Variants in MBD1 observed in about 807,000 individuals in gnomAD.
MBD1 encodes the protein methyl-CpG-binding domain protein 1.
MBD1 carries 25 observed loss-of-function variants against 82.6 expected under a neutral mutation model. That is an observed-to-expected ratio of 0.30 (90% CI 0.22 to 0.42). MBD1 has a LOEUF of 0.42. MBD1 is among the 10% of genes least tolerant of loss of function. The probability of loss-of-function intolerance (pLI) is 1.00; values close to 1 mark genes in which losing one functional copy is unlikely to be tolerated. For missense variants in MBD1, 627 were observed against 819.6 expected, an observed-to-expected ratio of 0.76 and a Z score of 2.87; for synonymous variants, 301 against 303.7, an observed-to-expected ratio of 0.99 and a Z score of 0.09.
At chr18:50,280,038 T>G in intron 1 of MBD1, 21 bp from the exon 2 acceptor site, 1 of 1,582,136 alleles carries the variant, frequency 6.3e-7, no homozygotes, top group African/African-American at 1.3e-5. Flanking sequence ...GTGGAAGGGA[T>G]GAGGGAAACT....
downstream of MBD1, chr18:50,267,527 G>T: frequency 2.7e-6 from 3 of 1,107,932 alleles, no homozygotes; most frequent in South Asian, 2.6e-5. Flanking sequence ...TCAGGATGTG[G>T]ATCAGAAGTC....
At chr18:50,281,051 A>C in intron 1 of MBD1, 1 of 1,034,520 alleles carries the variant, frequency 9.7e-7, no homozygotes, top group Non-Finnish European at 1.4e-6. Context: ...TCTCCCTCTC[A>C]GAGTTCTGAA....
At chr18:50,280,129 C>A (rs2039645360) in intron 1 of MBD1, 112 bp from the exon 2 acceptor site, 1 of 1,055,606 alleles carries the variant, frequency 9.5e-7, no homozygotes, top group Admixed American at 2.4e-5. Context: ...AGCCCTAGGA[C>A]CTGCCACAGG....
At position 50,275,690 on chromosome 18, in the gene MBD1, T is replaced by C. The variant is rs1347267540; in HGVS notation, c.702A>G (p.Gln234=). 6.2e-7 allele frequency: 1 copy of C among 1,614,176 alleles called. No individual in the cohort carries two copies. The highest frequency in any genetic ancestry group is 8.5e-7 in the Non-Finnish European group (1 of 1,180,018). The change falls in exon 8 of 17, where the codon CAA becomes CAG. Residue 234 remains glutamine (Q), a synonymous_variant. Transcript: ENST00000269468. Reference sequence around the variant, plus strand: ...AGATGGGGCAATGGCCACAATCCTCTTGGGTCTGACAGCCCCGGCATACTC... The same window carrying C: ...AGATGGGGCAATGGCCACAATCCTCCTGGGTCTGACAGCCCCGGCATACTC... ...GCGVCRGCQT[Q]EDCGHCPICL... is the part of the protein sequence containing the mutation.
chr18:50,268,500 G>C (rs1476446043), downstream of MBD1, among the ~76,000 whole-genome samples: 1 of 152,252 alleles, frequency 6.6e-6, no homozygotes, highest in Admixed American at 6.5e-5. Context: ...TGGGGTTTGC[G>C]CCGGACGGAG....
chr18:50,276,857 CTG>C lies in MBD1; in HGVS notation c.365_366del (p.Thr122SerfsTer12). 6.2e-7 allele frequency: 1 copy of C among 1,614,262 alleles called. No homozygotes were observed. Among genetic ancestry groups the C allele is most frequent in the Non-Finnish European group, 8.5e-7 (1 of 1,180,046 alleles). ...PRDETKADTD[T>X]APASFPAPGC... ...CCAGGAGCAGGGAATGAAGCTGGGG[CTG>C]TGTCAGTGTCAGCCTTGGTCTCATC... On this transcript the variant is annotated frameshift_variant, in exon 4 of 17. Coordinates refer to ENST00000269468, the MANE Select transcript of MBD1 (RefSeq NM_015846.4). LOFTEE classifies it high-confidence loss of function.
At chr18:50,281,584 A>G (rs894904284), upstream of MBD1, 15 of 515,962 alleles carry the variant, frequency 2.9e-5, no homozygotes, top group Admixed American at 5.4e-4. Context: ...CCTGCGCACT[A>G]TTGCCTCGAT....
At chr18:50,270,529 G>A (rs1488256645) in intron 16 of MBD1, 1 of 346,158 alleles carries the variant, frequency 2.9e-6, no homozygotes, top group African/African-American at 2.1e-5. Flanking sequence ...GGAAAGATGA[G>A]CCAGGCTGGC....
intron 15 of MBD1, chr18:50,272,436 G>C (rs925412838): frequency 3.5e-6 from 2 of 570,678 alleles, no homozygotes; most frequent in African/African-American, 3.8e-5. Flanking sequence ...TCATGATAGA[G>C]TACCAAGTCT....
rs367744173 is a variant in MBD1 at position 50,276,405 on chromosome 18, G to A, written c.489C>T (p.Ala163=). The change falls in exon 6 of 17, where the codon GCC becomes GCT. Residue 163 remains alanine (A), a synonymous_variant. Transcript: ENST00000269468. ...TAAACATTCTCTGTTCCCGGTTGAA[G>A]GCAATTCTCTGTGCTGTGGGGAGGA... is the stretch of plus-strand genomic sequence containing the variant. ...LCKDCRAQRI[A]FNREQRMFKR... The A allele has an allele frequency of 5.6e-6, 9 of 1,614,038 alleles. No individual in the cohort carries two copies. The highest frequency in any genetic ancestry group is 6.8e-6 in the Non-Finnish European group (8 of 1,180,030).
rs2035368682 is a variant in MBD1, at chr18:50,271,215, TC to T, written c.*32+253del. On this transcript the variant is annotated intron_variant, in intron 16 of 16. Coordinates refer to ENST00000269468, the MANE Select transcript of MBD1 (RefSeq NM_015846.4). ...TTATATTACCTTTCTCCAACCCAGC[TC>T]CCCCACCCTTAAAATCCAACTTCTT... 8.2e-6 allele frequency: 11 copies of T among 1,348,914 alleles called. No homozygotes were observed. The African/African-American group carries it at 1.5e-4, about 18-fold the overall frequency. 83.6% of individuals were successfully genotyped at this position (1,348,914 alleles called of 1,614,324 possible). A position where few individuals can be genotyped will look rare whatever the true frequency, so the allele number is the denominator to read the frequency against.
rs1273164902 is a variant in MBD1 at position 50,270,187 on chromosome 18, T to C, written c.*33-369A>G. The C allele has an allele frequency of 2.2e-5, 35 of 1,590,852 alleles. 1 individual carries two copies. The South Asian group carries it at 2.5e-4, about 12-fold the overall frequency. On this transcript the variant is annotated intron_variant, in intron 16 of 16. Transcript: ENST00000269468. ...GTGGGGAAGGTGGCAGAGGCTGGAC[T>C]GTATGAGACAGAACTGGGAAATGGC... is the stretch of plus-strand genomic sequence containing the variant.
At chr18:50,271,376 G>A (rs1415472713) in intron 16 of MBD1, 93 bp downstream of exon 16, 2 of 1,607,028 alleles carry the variant, frequency 1.2e-6, no homozygotes, top group Middle Eastern at 1.7e-4. Flanking sequence ...TTCCTCCTAG[G>A]GTTGATTCAC....
chr18:50,269,998 TTAAC>T, intron 16 of MBD1, 180 bp from the exon 17 acceptor site: 1 of 1,596,472 alleles, frequency 6.3e-7, no homozygotes, highest in East Asian at 2.2e-5. Context: ...CAGCAGAAGC[TTAAC>T]TCATGAGTCT....
chr18:50,269,204 CTG>C lies in MBD1; in HGVS notation c.*645_*646del. On this transcript the variant is annotated 3_prime_UTR_variant, in exon 17 of 17. Coordinates refer to ENST00000269468, the MANE Select transcript of MBD1 (RefSeq NM_015846.4). ...TTTCTGGGTGGGCTTCATAGAATCT[CTG>C]TACTTGCTGGAATCACCATGAAATC... The C allele has an allele frequency of 1.9e-6, 2 of 1,062,082 alleles. No homozygotes were observed. Among genetic ancestry groups the C allele is most frequent in the Non-Finnish European group, 2.3e-6 (2 of 875,646 alleles). The allele number at this position is 1,062,082 out of a possible 1,614,324, so 65.8% of individuals were successfully genotyped here.
intron 2 of MBD1, among the ~76,000 whole-genome samples, chr18:50,278,777 G>A (rs1231576370): frequency 6.6e-6 from 1 of 152,114 alleles, no homozygotes; most frequent in African/African-American, 2.4e-5. Context: ...AGAAATACAG[G>A]GTTAGGTTCC....
intron 8 of MBD1, 47 bp from the exon 9 acceptor site, chr18:50,275,292 G>C (rs2147417713): frequency 6.2e-7 from 1 of 1,610,820 alleles, no homozygotes; most frequent in East Asian, 2.2e-5. Flanking sequence ...GCACCAGGCA[G>C]ACACAGAAAC....
chr18:50,280,407 T>C (rs541544267), intron 1 of MBD1, among the ~76,000 whole-genome samples: 18 of 151,644 alleles, frequency 1.2e-4, no homozygotes, highest in African/African-American at 3.4e-4. Context: ...AAGACCCCCA[T>C]AGTCCCCATC....
intron 15 of MBD1, chr18:50,272,407 T>C (rs147723835): frequency 6.7e-5 from 34 of 509,838 alleles, no homozygotes; most frequent in African/African-American, 6.0e-4. Flanking sequence ...CCAGACTCCC[T>C]ATCTTTTTCT....
Sources: allele counts gnomAD v4.1 joint callset (sites outside exome capture counted in the v4.1 genomes callset), GRCh38; gene constraint gnomAD v4.1.1; transcripts MANE v1.5; gene names NCBI Gene and HGNC (gene_info 2026-07-23, HGNC 2026-07-21).